Variants in AOPEP observed in about 807,000 individuals in gnomAD.
AOPEP encodes the protein aminopeptidase O.
A neutral mutation model predicts 98.1 loss-of-function variants in AOPEP; 77 were observed. The ratio of observed to expected loss-of-function variants is 0.78; its 90% CI spans 0.65 to 0.95. The LOEUF is 0.95. Among genes scored for constraint, AOPEP ranks in the 40% least tolerant of loss-of-function variants. The probability of loss-of-function intolerance (pLI) is 0.00; values close to 1 mark genes in which losing one functional copy is unlikely to be tolerated. For synonymous variants in AOPEP, 346 were observed against 365.3 expected (o/e 0.95, Z 0.60); for missense variants, 1,024 against 1,024.7 (o/e 1.00, Z 0.01).
chr9:95,077,942 G>A (rs562223760), intron 14 of AOPEP, among the ~76,000 whole-genome samples: 15 of 152,262 alleles, frequency 9.9e-5, no homozygotes, highest in Admixed American at 3.9e-4. Context: ...CCAGCCTCCC[G>A]CAGCATTTCT....
At chr9:94,728,233 G>A (rs1198417256) in intron 1 of AOPEP, among the ~76,000 whole-genome samples, 3 of 105,510 alleles carry the variant, frequency 2.8e-5, no homozygotes, top group South Asian at 7.0e-4. Context: ...TCCTGCGTGC[G>A]CGCATGCACA....
chr9:94,862,819 A>G (rs955303763), intron 5 of AOPEP, among the ~76,000 whole-genome samples: 2 of 152,138 alleles, frequency 1.3e-5, no homozygotes, highest in Non-Finnish European at 2.9e-5. Flanking sequence ...TGGCAAACTC[A>G]CTAACTTCCT....
intron 3 of AOPEP, among the ~76,000 whole-genome samples, chr9:94,783,227 G>C (rs1843674650): frequency 6.6e-6 from 1 of 152,222 alleles, no homozygotes; most frequent in Non-Finnish European, 1.5e-5. Flanking sequence ...GTGTTCAGCA[G>C]ATGGCGCTCT....
chr9:94,781,350 C>A (rs1843202158), intron 3 of AOPEP, among the ~76,000 whole-genome samples: 1 of 151,960 alleles, frequency 6.6e-6, no homozygotes, highest in African/African-American at 2.4e-5. Context: ...TAAATGTGTT[C>A]TTTATAATCA....
intron 11 of AOPEP, among the ~76,000 whole-genome samples, chr9:94,990,460 A>G (rs2060822328): frequency 6.6e-6 from 1 of 152,202 alleles, no homozygotes; most frequent in Non-Finnish European, 1.5e-5. Flanking sequence ...AACTCAAAGA[A>G]CTAGGACAAA....
chr9:95,003,789 G>T (rs1043379891), intron 11 of AOPEP: 4 of 153,584 alleles, frequency 2.6e-5, no homozygotes, highest in African/African-American at 9.7e-5. Flanking sequence ...GACGCAAAAT[G>T]GTTAACACGT....
chr9:94,789,395 T>G (rs528061301), intron 3 of AOPEP, among the ~76,000 whole-genome samples: 9 of 152,318 alleles, frequency 5.9e-5, no homozygotes, highest in African/African-American at 2.2e-4. Flanking sequence ...AACTCTAAAA[T>G]GTACTTCAGA....
chr9:94,819,524 G>C (rs1015861792), intron 5 of AOPEP, among the ~76,000 whole-genome samples: 2 of 152,240 alleles, frequency 1.3e-5, no homozygotes, highest in Non-Finnish European at 2.9e-5. Context: ...TCTTGGTTGA[G>C]ATAATCTTGT....
In AOPEP at chr9:94,792,754, C is replaced by T. The variant is rs769539327; in HGVS notation, c.965-11C>T. The T allele has an allele frequency of 1.3e-6, 2 of 1,579,194 alleles. No individual in the cohort carries two copies. The highest frequency in any genetic ancestry group is 1.1e-5 in the South Asian group (1 of 87,900). On this transcript the variant is annotated splice_polypyrimidine_tract_variant and intron_variant, in intron 3 of 16. Coordinates refer to ENST00000375315, the MANE Select transcript of AOPEP (RefSeq NM_001193329.3). ...TTGGCCTCATTATGGTTTTTCTCTTCCTGTTTACAGAGTGCTCAAGCTGGT... is the reference window on the plus strand; with the variant it reads ...TTGGCCTCATTATGGTTTTTCTCTTTCTGTTTACAGAGTGCTCAAGCTGGT...
chr9:94,756,103 C>CA (rs1162629947), intron 1 of AOPEP, among the ~76,000 whole-genome samples: 11 of 151,762 alleles, frequency 7.2e-5, no homozygotes, highest in Admixed American at 2.0e-4. Flanking sequence ...ACCAAAAATA[C>CA]AAAAAAATTA....
chr9:95,013,774 A>G (rs2062759307), intron 13 of AOPEP, among the ~76,000 whole-genome samples: 2 of 152,086 alleles, frequency 1.3e-5, no homozygotes, highest in African/African-American at 4.8e-5. Flanking sequence ...CTTGGTTCAT[A>G]TTTTTTAATT....
At chr9:94,904,494 G>A (rs915564190) in intron 5 of AOPEP, 2 of 152,148 alleles carry the variant, frequency 1.3e-5, no homozygotes, top group African/African-American at 4.8e-5. Flanking sequence ...TTCCAGAATT[G>A]TGGAATGGGA....
the AOPEP span, chr9:95,107,240 G>T: frequency 6.2e-7 from 1 of 1,614,116 alleles, no homozygotes; most frequent in South Asian, 1.1e-5. Flanking sequence ...ACATTGCCAG[G>T]AGGTGGCCCA....
intron 10 of AOPEP, among the ~76,000 whole-genome samples, chr9:94,974,351 T>C (rs1167417576): frequency 6.6e-6 from 1 of 152,226 alleles, no homozygotes; most frequent in Non-Finnish European, 1.5e-5. Context: ...TTTTTTTCCT[T>C]TGCTGACTTG....
At chr9:94,780,096 T>G (rs1842946461) in intron 3 of AOPEP, among the ~76,000 whole-genome samples, 1 of 152,206 alleles carries the variant, frequency 6.6e-6, no homozygotes, top group Non-Finnish European at 1.5e-5. Flanking sequence ...CCTGTTTTTG[T>G]AAATAAAGTT....
chr9:94,738,794 T>C (rs1832381968), intron 1 of AOPEP, among the ~76,000 whole-genome samples: 1 of 152,020 alleles, frequency 6.6e-6, no homozygotes, highest in Admixed American at 6.6e-5. Context: ...CAGGATGGTC[T>C]CGATCTCCTG....
chr9:95,068,841 TGA>T (rs1483874528), intron 14 of AOPEP, among the ~76,000 whole-genome samples: 3 of 152,242 alleles, frequency 2.0e-5, no homozygotes, highest in African/African-American at 7.2e-5. Flanking sequence ...GAGGGAAGGC[TGA>T]GTTTCTTTCA....
At chr9:94,739,212 C>T (rs913929546) in intron 1 of AOPEP, among the ~76,000 whole-genome samples, 5 of 152,204 alleles carry the variant, frequency 3.3e-5, no homozygotes, top group Non-Finnish European at 7.3e-5. Context: ...CGTGGCCGTA[C>T]TTTCCTTAGC....
chr9:94,977,905 C>T (rs551694023), intron 10 of AOPEP, among the ~76,000 whole-genome samples: 1 of 152,232 alleles, frequency 6.6e-6, no homozygotes, highest in South Asian at 2.1e-4. Context: ...GCCCTCTTTC[C>T]CTCCATGAAC....
Sources: allele counts gnomAD v4.1 joint callset (sites outside exome capture counted in the v4.1 genomes callset), GRCh38; gene constraint gnomAD v4.1.1; transcripts MANE v1.5; gene names NCBI Gene and HGNC (gene_info 2026-07-23, HGNC 2026-07-21).